HS3ST5: variants seen among roughly 807,000 people sequenced by gnomAD.
HS3ST5 encodes the protein heparan sulfate glucosamine 3-O-sulfotransferase 5.
HS3ST5 carries 10 observed loss-of-function variants against 25.4 expected under a neutral mutation model. The ratio of observed to expected loss-of-function variants is 0.39; its 90% CI spans 0.24 to 0.67. The LOEUF is 0.67. Ranked by LOEUF, HS3ST5 falls within the 30% of genes least tolerant of loss-of-function variation. HS3ST5 has a pLI of 0.44. For missense variants in HS3ST5, 324 were observed against 420.7 expected (o/e 0.77, Z 2.01); for synonymous variants, 170 against 162.4 (o/e 1.05, Z -0.36).
intron 2 of HS3ST5, among the ~76,000 whole-genome samples, chr6:114,204,867 T>C (rs1187378718): frequency 1.3e-5 from 2 of 152,144 alleles, no homozygotes; most frequent in Admixed American, 1.3e-4. Flanking sequence ...ATCCCGAGAA[T>C]ACTATTGGCA....
At chr6:114,063,916 A>C (rs1773294384) in intron 3 of HS3ST5, among the ~76,000 whole-genome samples, 1 of 152,184 alleles carries the variant, frequency 6.6e-6, no homozygotes. Flanking sequence ...TCACTCTTAG[A>C]TCATGAAAGA....
chr6:114,177,516 A>G (rs907399303), intron 2 of HS3ST5, among the ~76,000 whole-genome samples: 4 of 152,210 alleles, frequency 2.6e-5, no homozygotes, highest in Non-Finnish European at 1.5e-5. Flanking sequence ...AACTCTCAGA[A>G]GGCAATAAAG....
intron 1 of HS3ST5, among the ~76,000 whole-genome samples, chr6:114,316,927 T>C (rs1775769878): frequency 6.6e-6 from 1 of 152,220 alleles, no homozygotes; most frequent in Admixed American, 6.5e-5. Flanking sequence ...GTAGTGGTTG[T>C]TATTTTCAGG....
chr6:114,149,593 C>A (rs966987052), intron 3 of HS3ST5, among the ~76,000 whole-genome samples: 1 of 151,652 alleles, frequency 6.6e-6, no homozygotes, highest in Non-Finnish European at 1.5e-5. Context: ...AGGTGGGGGG[C>A]AGGGGAGGGA....
At chr6:114,059,072 C>T (rs1772945470) in intron 4 of HS3ST5, 2 of 152,156 alleles carry the variant, frequency 1.3e-5, no homozygotes, top group Non-Finnish European at 2.9e-5. Flanking sequence ...TCAGTATTAT[C>T]CTGAATAGTG....
chr6:114,100,366 G>C (rs1166599329), intron 3 of HS3ST5, among the ~76,000 whole-genome samples: 3 of 152,036 alleles, frequency 2.0e-5, no homozygotes, highest in African/African-American at 7.2e-5. Flanking sequence ...TAGTCTTGTG[G>C]AAAGGAACCT....
In HS3ST5 at chr6:114,342,283, C is replaced by A. The variant is rs1776917301; in HGVS notation, c.-427G>T. ...CGTGGGGGTCACCCGGCCGCTGCTGCGGTCCGGACGGCAGTTGGTCCAGTA... is the reference window on the plus strand; with the variant it reads ...CGTGGGGGTCACCCGGCCGCTGCTGAGGTCCGGACGGCAGTTGGTCCAGTA... On this transcript the variant is annotated 5_prime_UTR_variant, in exon 1 of 5. Coordinates refer to ENST00000312719, the MANE Select transcript of HS3ST5 (RefSeq NM_153612.4). 2 of 152,820 alleles carry A rather than the reference C, an allele frequency of 1.3e-5. No homozygotes were observed. The highest frequency in any genetic ancestry group is 1.8e-4 in the South Asian group (1 of 5,664). The allele number at this position is 152,820 out of a possible 1,614,324, so 9.5% of individuals were successfully genotyped here.
intron 2 of HS3ST5, among the ~76,000 whole-genome samples, chr6:114,202,121 T>TA (rs1005418748): frequency 1.8e-4 from 28 of 151,516 alleles, no homozygotes; most frequent in African/African-American, 6.5e-4. Context: ...CAAAAAAGTT[T>TA]AAAAAAAAAT....
chr6:114,222,210 G>A (rs1782076699), intron 2 of HS3ST5, among the ~76,000 whole-genome samples: 2 of 151,732 alleles, frequency 1.3e-5, no homozygotes, highest in Admixed American at 1.3e-4. Flanking sequence ...TTTTATTTAG[G>A]TTTTCTTTCT....
rs111666596 is a variant in HS3ST5 at position 114,285,095 on chromosome 6, A to T, written c.-338-56317T>A. Among the ~76,000 whole-genome samples the T allele has an allele frequency of 4.5e-3, 689 of 152,202 alleles. 7 individuals carry two copies. Among genetic ancestry groups the T allele is most frequent in the African/African-American group, 0.016 (661 of 41,530 alleles). ...TTTATCCAAAAGAATTGAAATCAGG[A>T]TCTTGAAGAATATTAGCATTGGATG... On this transcript the variant is annotated intron_variant, in intron 1 of 4. Coordinates refer to ENST00000312719, the MANE Select transcript of HS3ST5 (RefSeq NM_153612.4).
intron 1 of HS3ST5, among the ~76,000 whole-genome samples, chr6:114,310,478 C>T (rs1009094105): frequency 3.9e-5 from 6 of 151,912 alleles, no homozygotes; most frequent in Admixed American, 3.9e-4. Context: ...ACGGCAAAAA[C>T]TTCAAAAACG....
chr6:114,270,176 G>C (rs1453966449), intron 1 of HS3ST5, among the ~76,000 whole-genome samples: 1 of 152,152 alleles, frequency 6.6e-6, no homozygotes, highest in Non-Finnish European at 1.5e-5. Context: ...TGAGAAAAAA[G>C]AAGATGCCCT....
intron 3 of HS3ST5, among the ~76,000 whole-genome samples, chr6:114,152,671 T>C (rs1188266669): frequency 6.6e-6 from 1 of 152,118 alleles, no homozygotes; most frequent in Non-Finnish European, 1.5e-5. Flanking sequence ...TTTGTCAAGT[T>C]AGAGGGGCCA....
At chr6:114,064,138 A>C (rs1046558427) in intron 3 of HS3ST5, among the ~76,000 whole-genome samples, 3 of 152,194 alleles carry the variant, frequency 2.0e-5, no homozygotes, top group African/African-American at 7.2e-5. Context: ...AGCTATATAG[A>C]TAGCAATGAG....
At chr6:114,146,108 T>A (rs1778149127) in intron 3 of HS3ST5, among the ~76,000 whole-genome samples, 1 of 152,118 alleles carries the variant, frequency 6.6e-6, no homozygotes, top group African/African-American at 2.4e-5. Context: ...TTAAAAAAAA[T>A]TACAGAGTCC....
At chr6:114,060,069 A>G (rs191066705) in intron 4 of HS3ST5, among the ~76,000 whole-genome samples, 3 of 152,196 alleles carry the variant, frequency 2.0e-5, no homozygotes, top group African/African-American at 7.2e-5. Context: ...GCTGCAGTGC[A>G]GTGGCACGAT....
chr6:114,219,338 G>C (rs962192685), intron 2 of HS3ST5, among the ~76,000 whole-genome samples: 6 of 152,208 alleles, frequency 3.9e-5, no homozygotes, highest in African/African-American at 1.4e-4. Context: ...GGTTTACGTA[G>C]AGGGGACGTG....
At chr6:114,148,445 C>A (rs1263417325) in intron 3 of HS3ST5, among the ~76,000 whole-genome samples, 2 of 152,044 alleles carry the variant, frequency 1.3e-5, no homozygotes, top group Non-Finnish European at 2.9e-5. Flanking sequence ...ATGGTGAAAC[C>A]CTGTCTCTAT....
At chr6:114,179,429 T>A (rs1240376847) in intron 2 of HS3ST5, among the ~76,000 whole-genome samples, 3 of 152,168 alleles carry the variant, frequency 2.0e-5, no homozygotes, top group Non-Finnish European at 4.4e-5. Flanking sequence ...GGCATTATTA[T>A]CTCTGTGGTA....
Sources: allele counts gnomAD v4.1 joint callset (sites outside exome capture counted in the v4.1 genomes callset), GRCh38; gene constraint gnomAD v4.1.1; transcripts MANE v1.5; gene names NCBI Gene and HGNC (gene_info 2026-07-23, HGNC 2026-07-21).